The following LUZP1 variants were observed in gnomAD, a reference collection of about 807,000 sequenced individuals.
The protein encoded by LUZP1 is filamin mechanobinding actin cross-linking protein.
LUZP1 carries 25 observed loss-of-function variants against 71.3 expected under a neutral mutation model. The observed-to-expected ratio is 0.35, with a 90% CI of 0.26 to 0.49. LUZP1 has a LOEUF of 0.49. Ranked by LOEUF, LUZP1 falls within the 20% of genes least tolerant of loss-of-function variation. LUZP1 has a pLI of 0.99. For synonymous variants in LUZP1, 481 were observed against 506.4 expected (o/e 0.95, Z 0.67); for missense variants, 1,142 against 1,300.8 (o/e 0.88, Z 1.88).
intron 2 of LUZP1, among the ~76,000 whole-genome samples, chr1:23,159,095 C>G (rs984190923): frequency 1.3e-5 from 2 of 152,068 alleles, no homozygotes; most frequent in African/African-American, 4.8e-5. Flanking sequence ...AACCCCAGCA[C>G]TTTGGGAGGC....
At chr1:23,163,561 A>AAAAG (rs1246230044) in intron 2 of LUZP1, among the ~76,000 whole-genome samples, 1 of 151,560 alleles carries the variant, frequency 6.6e-6, no homozygotes, top group African/African-American at 2.4e-5. Flanking sequence ...CTCTTAAAAA[A>AAAAG]AAAAAAAAAA....
At chr1:23,160,745 C>G (rs55899023) in intron 2 of LUZP1, among the ~76,000 whole-genome samples, 8,428 of 152,216 alleles carry the variant, frequency 0.055, 290 homozygotes, top group Non-Finnish European at 0.084. Flanking sequence ...AGCTTCTGAT[C>G]GAGAAGCTTC....
intron 3 of LUZP1, among the ~76,000 whole-genome samples, chr1:23,107,764 G>A (rs570522607): frequency 7.2e-5 from 11 of 152,244 alleles, no homozygotes; most frequent in East Asian, 1.9e-4. Flanking sequence ...AGCCAAGATC[G>A]CACCAGTGCA....
At position 23,161,932 on chromosome 1, in the gene LUZP1, C is replaced by T. The variant is rs531071794; in HGVS notation, c.-226+6834G>A. Among the ~76,000 whole-genome samples, 8 of 140,892 alleles carry T rather than the reference C, an allele frequency of 5.7e-5. No homozygotes were observed. The East Asian group carries it at 1.1e-3, about 20-fold the overall frequency. 92.4% of individuals were successfully genotyped at this position (140,892 alleles called of 152,430 possible). On this transcript the variant is annotated intron_variant, in intron 2 of 4. Transcript: ENST00000302291. ...ATCCCAGCTACTTGGGAGGCTGAGG[C>T]GGAGAACGGCTTGAACCCAGGAGGT...
intron 2 of LUZP1, among the ~76,000 whole-genome samples, chr1:23,113,865 C>T (rs1435774313): frequency 6.9e-6 from 1 of 145,916 alleles, no homozygotes; most frequent in Non-Finnish European, 1.5e-5. Context: ...GGCGACAGAA[C>T]GAGACTCCGT....
At chr1:23,091,613 T>C (rs752844540) in exon 4 of LUZP1, 2 of 1,614,136 alleles carry the variant, frequency 1.2e-6, no homozygotes, top group Non-Finnish European at 1.7e-6. Context: ...CAGGATCCGA[T>C]GGCTTGATTA....
At chr1:23,139,027 T>C (rs867925522) in intron 2 of LUZP1, among the ~76,000 whole-genome samples, 3 of 84,904 alleles carry the variant, frequency 3.5e-5, no homozygotes, top group Non-Finnish European at 6.7e-5. Context: ...AAAATATATA[T>C]ATATATATAT....
chr1:23,149,696 C>T (rs1457339505), intron 2 of LUZP1, among the ~76,000 whole-genome samples: 9 of 151,998 alleles, frequency 5.9e-5, no homozygotes, highest in African/African-American at 1.7e-4. Context: ...GTAAAAGGGC[C>T]GGGCGTGGTG....
At chr1:23,172,140 T>C (rs1644555916) in intron 1 of LUZP1, among the ~76,000 whole-genome samples, 1 of 152,178 alleles carries the variant, frequency 6.6e-6, no homozygotes, top group Admixed American at 6.5e-5. Context: ...TGCCAGGATA[T>C]AGTGGTTGCT....
chr1:23,108,739 C>T (rs1340168889), intron 3 of LUZP1, among the ~76,000 whole-genome samples: 2 of 152,136 alleles, frequency 1.3e-5, no homozygotes, highest in Admixed American at 6.5e-5. Flanking sequence ...GTTGGTAGGG[C>T]GATAACATGT....
At chr1:23,146,464 A>G (rs1040311093) in intron 2 of LUZP1, among the ~76,000 whole-genome samples, 1 of 152,234 alleles carries the variant, frequency 6.6e-6, no homozygotes, top group African/African-American at 2.4e-5. Context: ...CAGTGTCCTC[A>G]TGTGTAAAAT....
At chr1:23,106,566 C>T (rs1307637940) in intron 3 of LUZP1, among the ~76,000 whole-genome samples, 1 of 151,850 alleles carries the variant, frequency 6.6e-6, no homozygotes. Flanking sequence ...GATCACACCA[C>T]TATACTCCAG....
chr1:23,155,887 T>C (rs372068859), intron 2 of LUZP1, among the ~76,000 whole-genome samples: 42 of 152,250 alleles, frequency 2.8e-4, no homozygotes, highest in Admixed American at 2.6e-4. Context: ...CCGCAGATAA[T>C]TGGGAAAACA....
chr1:23,147,030 G>A (rs992421220), intron 2 of LUZP1, among the ~76,000 whole-genome samples: 2 of 151,498 alleles, frequency 1.3e-5, no homozygotes, highest in African/African-American at 4.9e-5. Flanking sequence ...CCGGGAGGCG[G>A]AGGTTGCAGT....
At chr1:23,150,794 T>C (rs1483210830) in intron 2 of LUZP1, among the ~76,000 whole-genome samples, 1 of 152,146 alleles carries the variant, frequency 6.6e-6, no homozygotes, top group Non-Finnish European at 1.5e-5. Context: ...AATTTTCAAG[T>C]GGAATCATCT....
At chr1:23,092,348 G>A (rs375777187) in exon 4 of LUZP1, 29 of 1,614,018 alleles carry the variant, frequency 1.8e-5, no homozygotes, top group African/African-American at 4.0e-5. Flanking sequence ...CATGCGGACT[G>A]CTGTCTTCCA....
chr1:23,086,770 C>T (rs1643772046), exon 5 of LUZP1: 1 of 152,594 alleles, frequency 6.6e-6, no homozygotes, highest in Admixed American at 6.5e-5. Context: ...CCAGGAGAAG[C>T]AGCAGTAAGA....
At chr1:23,144,837 G>A (rs1644329958) in intron 2 of LUZP1, among the ~76,000 whole-genome samples, 1 of 152,104 alleles carries the variant, frequency 6.6e-6, no homozygotes, top group African/African-American at 2.4e-5. Context: ...TCAGGTTGGG[G>A]TTAAGGAATG....
At chr1:23,127,343 C>T (rs1644179982) in intron 2 of LUZP1, among the ~76,000 whole-genome samples, 4 of 152,114 alleles carry the variant, frequency 2.6e-5, no homozygotes, top group Admixed American at 1.3e-4. Context: ...GTTTTTTTCA[C>T]TGTATTAGTT....
Sources: allele counts gnomAD v4.1 joint callset (sites outside exome capture counted in the v4.1 genomes callset), GRCh38; gene constraint gnomAD v4.1.1; transcripts MANE v1.5; gene names NCBI Gene and HGNC (gene_info 2026-07-23, HGNC 2026-07-21).